SINHCAF: variants seen among roughly 807,000 people sequenced by gnomAD.
SINHCAF encodes the protein SIN3-HDAC complex associated factor.
A neutral mutation model predicts 25.8 loss-of-function variants in SINHCAF; 3 were observed. That is an observed-to-expected ratio of 0.12 (90% confidence interval 0.05 to 0.30). The LOEUF (loss-of-function observed/expected upper bound fraction) is 0.30. Ranked by LOEUF, SINHCAF falls within the 10% of genes least tolerant of loss-of-function variation. SINHCAF has a pLI of 1.00. For synonymous variants in SINHCAF, 70 were observed against 85.5 expected (o/e 0.82, Z 1.00); for missense variants, 121 against 262.3 (o/e 0.46, Z 3.72).
intron 1 of SINHCAF, among the ~76,000 whole-genome samples, chr12:31,318,932 G>A (rs1939599933): frequency 6.6e-6 from 1 of 152,088 alleles, no homozygotes; most frequent in Admixed American, 6.5e-5. Context: ...TATAAGAGTT[G>A]CACATTACAG....
At chr12:31,317,289 C>T (rs2137132493) in intron 1 of SINHCAF, among the ~76,000 whole-genome samples, 1 of 152,018 alleles carries the variant, frequency 6.6e-6, no homozygotes, top group Non-Finnish European at 1.5e-5. Context: ...AAAACCCTAG[C>T]TTCTAATTAT....
At chr12:31,300,457 A>G (rs777201129) in intron 1 of SINHCAF, among the ~76,000 whole-genome samples, 9 of 152,312 alleles carry the variant, frequency 5.9e-5, no homozygotes, top group Middle Eastern at 3.4e-3. Flanking sequence ...TTTTTAGTTG[A>G]TAATAATTTT....
intron 4 of SINHCAF, among the ~76,000 whole-genome samples, chr12:31,290,677 T>TTAA (rs986760884): frequency 5.9e-5 from 9 of 152,188 alleles, no homozygotes; most frequent in African/African-American, 1.7e-4. Flanking sequence ...CTTAATATCT[T>TTAA]TAAACTATTT....
In SINHCAF at chr12:31,281,025, A is replaced by G. The variant is rs1057295382; in HGVS notation, c.*1687T>C. On this transcript the variant is annotated 3_prime_UTR_variant, in exon 6 of 6. Coordinates refer to ENST00000337682, the MANE Select transcript of SINHCAF (RefSeq NM_001135812.2). ...GAAGGAAATATAAAATGTTTAGATT[A>G]AGAACTATAAAACTACAGGGTGCCT... 2.0e-5 allele frequency: 3 copies of G among 152,044 alleles called. No homozygotes were observed. Among genetic ancestry groups the G allele is most frequent in the Non-Finnish European group, 4.4e-5 (3 of 67,934 alleles). 9.4% of individuals were successfully genotyped at this position (152,044 alleles called of 1,614,324 possible).
At position 31,310,761 on chromosome 12, in the gene SINHCAF, A is replaced by G. The variant is rs531937803; in HGVS notation, c.-20-12537T>C. ...ATTTTTATTGTTTTCAAAGTTGTCCATTGACATCTGCAATATTGTTTTCAT... is the reference window on the plus strand; with the variant it reads ...ATTTTTATTGTTTTCAAAGTTGTCCGTTGACATCTGCAATATTGTTTTCAT... On this transcript the variant is annotated intron_variant, in intron 1 of 5. Coordinates refer to ENST00000337682, the MANE Select transcript of SINHCAF (RefSeq NM_001135812.2). 1.8e-4 allele frequency among the ~76,000 whole-genome samples: 27 copies of G among 152,234 alleles called. No homozygotes were observed. The South Asian group carries it at 3.3e-3, about 19-fold the overall frequency.
intron 2 of SINHCAF, among the ~76,000 whole-genome samples, chr12:31,297,860 G>C (rs1041049989): frequency 1.3e-5 from 2 of 152,010 alleles, no homozygotes; most frequent in African/African-American, 4.8e-5. Context: ...AACTTTAAGG[G>C]GCTTCACGAT....
intron 1 of SINHCAF, among the ~76,000 whole-genome samples, chr12:31,317,194 G>A (rs993286313): frequency 2.6e-5 from 4 of 152,160 alleles, no homozygotes; most frequent in Non-Finnish European, 4.4e-5. Context: ...AACTGTCCAA[G>A]TCATCTTGGG....
At chr12:31,311,057 A>G (rs1037326201) in intron 1 of SINHCAF, among the ~76,000 whole-genome samples, 1 of 152,046 alleles carries the variant, frequency 6.6e-6, no homozygotes, top group African/African-American at 2.4e-5. Context: ...TTTAGTAGAG[A>G]TGGGGTTTCA....
intron 1 of SINHCAF, among the ~76,000 whole-genome samples, chr12:31,319,813 C>T (rs1351515029): frequency 6.6e-6 from 1 of 152,200 alleles, no homozygotes; most frequent in East Asian, 1.9e-4. Context: ...ATATGGCCAA[C>T]TGACCACCAA....
At chr12:31,316,464 G>A (rs1939499667) in intron 1 of SINHCAF, among the ~76,000 whole-genome samples, 1 of 152,032 alleles carries the variant, frequency 6.6e-6, no homozygotes, top group Admixed American at 6.5e-5. Flanking sequence ...TCTAACCTTG[G>A]TGCTGATGAG....
At chr12:31,294,065 T>A (rs1938449107) in intron 3 of SINHCAF, 134 bp from the exon 4 acceptor site, 1 of 593,938 alleles carries the variant, frequency 1.7e-6, no homozygotes, top group East Asian at 3.1e-5. Context: ...GCACCTTTAA[T>A]CATCACATGA....
intron 4 of SINHCAF, among the ~76,000 whole-genome samples, chr12:31,292,929 T>C (rs889555899): frequency 1.3e-5 from 2 of 152,092 alleles, no homozygotes; most frequent in Admixed American, 6.5e-5. Context: ...AGAGCTCCAA[T>C]AGAGATCCAC....
chr12:31,288,632 TA>T (rs1938176068), intron 4 of SINHCAF, among the ~76,000 whole-genome samples: 1 of 14,800 alleles, frequency 6.8e-5, no homozygotes, highest in African/African-American at 1.1e-3. Context: ...CACCTGGCGG[TA>T]AGTAATAGGG....
At position 31,298,843 on chromosome 12, in the gene SINHCAF, T is replaced by G. The variant is rs1451854391; in HGVS notation, c.-20-619A>C. 2.0e-5 allele frequency among the ~76,000 whole-genome samples: 3 copies of G among 152,202 alleles called. No individual in the cohort carries two copies. The East Asian group carries it at 5.8e-4, about 29-fold the overall frequency. On this transcript the variant is annotated intron_variant, in intron 1 of 5. Coordinates refer to ENST00000337682, the MANE Select transcript of SINHCAF (RefSeq NM_001135812.2). ...ATGTAAAATTCACAAAAATCCAAGGTTAGAATTTAATAATAATAATTCCTT... is the reference window on the plus strand; with the variant it reads ...ATGTAAAATTCACAAAAATCCAAGGGTAGAATTTAATAATAATAATTCCTT...
rs753357742 is a variant in SINHCAF at position 31,294,332 on chromosome 12, T to C, written c.229-401A>G. Among the ~76,000 whole-genome samples the C allele has an allele frequency of 3.5e-4, 53 of 152,308 alleles. 1 individual carries two copies. The highest frequency in any genetic ancestry group is 2.5e-3 in the Admixed American group (39 of 15,300). On this transcript the variant is annotated intron_variant, in intron 3 of 5. Coordinates refer to ENST00000337682, the MANE Select transcript of SINHCAF (RefSeq NM_001135812.2). ...AAAGCAAAAAATAGAGCTACTTTTGTTACTCCAATTTTAGACAGAAGGAAA... is the reference window on the plus strand; with the variant it reads ...AAAGCAAAAAATAGAGCTACTTTTGCTACTCCAATTTTAGACAGAAGGAAA...
chr12:31,315,178 G>A (rs1403037294), intron 1 of SINHCAF, among the ~76,000 whole-genome samples: 1 of 152,220 alleles, frequency 6.6e-6, no homozygotes, highest in East Asian at 1.9e-4. Context: ...GCGGTATGGT[G>A]AAGCAATAGT....
At chr12:31,286,363 T>C (rs946554258) in intron 5 of SINHCAF, among the ~76,000 whole-genome samples, 18 of 152,130 alleles carry the variant, frequency 1.2e-4, no homozygotes, top group African/African-American at 4.3e-4. Context: ...CACCTTCCTT[T>C]AGAAACTATC....
chr12:31,286,821 A>G (rs976071859), intron 5 of SINHCAF, among the ~76,000 whole-genome samples: 3 of 152,246 alleles, frequency 2.0e-5, no homozygotes, highest in African/African-American at 7.2e-5. Flanking sequence ...CTTGGGGCCT[A>G]TGCCCTATTT....
At chr12:31,292,113 T>TA (rs1219123242) in intron 4 of SINHCAF, among the ~76,000 whole-genome samples, 3 of 152,188 alleles carry the variant, frequency 2.0e-5, no homozygotes, top group Non-Finnish European at 4.4e-5. Context: ...TTCTCTATAA[T>TA]TAAGGGAAAG....
Sources: gnomAD v4.1 joint callset for allele counts (sites outside exome capture counted in the v4.1 genomes callset) on GRCh38, gnomAD v4.1.1 for gene constraint, MANE v1.5 for transcripts, NCBI Gene and HGNC (gene_info 2026-07-23, HGNC 2026-07-21) for gene names.